GREM2: variants seen among roughly 807,000 people sequenced by gnomAD.
GREM2 encodes gremlin-2.
Under a neutral mutation model 14.2 loss-of-function variants are expected in GREM2, and 11 were observed. That is an observed-to-expected ratio of 0.78 (90% CI 0.49 to 1.28). The LOEUF (loss-of-function observed/expected upper bound fraction) is 1.28, where lower values mean the gene tolerates loss of function less well. GREM2 is among the 50% of genes most tolerant of loss of function. The pLI, the probability that GREM2 is intolerant of heterozygous loss-of-function variation, is 0.00. For synonymous variants in GREM2, 98 were observed against 97.6 expected (o/e 1.00, Z -0.02); for missense variants, 210 against 218.5 (o/e 0.96, Z 0.24).
chr1:240,495,952 T>C (rs1025164631), intron 1 of GREM2, among the ~76,000 whole-genome samples: 2 of 149,288 alleles, frequency 1.3e-5, no homozygotes, highest in African/African-American at 2.4e-5. Flanking sequence ...TTTTTGTTTT[T>C]TTTTTGATGG....
At chr1:240,598,020 C>T (rs2102868670) in intron 1 of GREM2, among the ~76,000 whole-genome samples, 1 of 152,310 alleles carries the variant, frequency 6.6e-6, no homozygotes, top group Non-Finnish European at 1.5e-5. Flanking sequence ...TTTTGGCTGT[C>T]ATCTGAAACA....
Position 240,610,040 on chromosome 1 carries a change from C to A in GREM2, c.-2+1844G>T, listed in dbSNP as rs534352164. On this transcript the variant is annotated intron_variant, in intron 1 of 1. Coordinates refer to ENST00000318160, the MANE Select transcript of GREM2 (RefSeq NM_022469.4). ...TTTATCTTTGAAAAGCCATCAGTGT[C>A]TCCTAGTCTATACAAAGTGAATATA... is the stretch of plus-strand genomic sequence containing the variant. 5.9e-5 allele frequency among the ~76,000 whole-genome samples: 9 copies of A among 152,204 alleles called. No homozygotes were observed. In the East Asian group the frequency reaches 1.7e-3, roughly 29 times the overall value.
intron 1 of GREM2, among the ~76,000 whole-genome samples, chr1:240,536,462 A>C (rs1041996499): frequency 6.6e-5 from 10 of 152,358 alleles, no homozygotes; most frequent in African/African-American, 2.4e-4. Flanking sequence ...AAGAGGGATA[A>C]GCAGTTGCTA....
At chr1:240,606,701 G>A (rs538073527) in intron 1 of GREM2, among the ~76,000 whole-genome samples, 2 of 143,700 alleles carry the variant, frequency 1.4e-5, no homozygotes, top group East Asian at 2.0e-4. Context: ...TTTTTGAGGT[G>A]GAGTTTCGCT....
At chr1:240,517,169 C>T (rs187376795) in intron 1 of GREM2, among the ~76,000 whole-genome samples, 1 of 152,306 alleles carries the variant, frequency 6.6e-6, no homozygotes, top group Admixed American at 6.5e-5. Context: ...AACTGAGCTG[C>T]CACTATTTTT....
chr1:240,552,757 C>T (rs527332242), intron 1 of GREM2, among the ~76,000 whole-genome samples: 47 of 152,218 alleles, frequency 3.1e-4, no homozygotes, highest in African/African-American at 1.0e-3. Flanking sequence ...TCCTTCTAAC[C>T]GATTTTGGTG....
chr1:240,512,653 A>G lies in GREM2; in HGVS notation c.-1-19177T>C, dbSNP rs906664639. 3.9e-5 allele frequency among the ~76,000 whole-genome samples: 6 copies of G among 152,324 alleles called. No individual in the cohort carries two copies. In the East Asian group the frequency reaches 9.6e-4, roughly 24 times the overall value. ...ATTGATTTAAAGAAAAAAACGATAA[A>G]AGCAATATGACATTTGAGATCTTAC... On this transcript the variant is annotated intron_variant, in intron 1 of 1. Coordinates refer to ENST00000318160, the MANE Select transcript of GREM2 (RefSeq NM_022469.4).
At chr1:240,499,627 C>T (rs1355691680) in intron 1 of GREM2, among the ~76,000 whole-genome samples, 2 of 152,184 alleles carry the variant, frequency 1.3e-5, no homozygotes, top group East Asian at 3.8e-4. Flanking sequence ...TCAGTTAAAC[C>T]TTTAGAGACA....
chr1:240,577,406 T>C (rs1458482817), intron 1 of GREM2, among the ~76,000 whole-genome samples: 3 of 152,234 alleles, frequency 2.0e-5, no homozygotes, highest in African/African-American at 7.2e-5. Context: ...CATAACTTTC[T>C]CCAACAACGA....
chr1:240,519,495 G>A (rs963881397), intron 1 of GREM2, among the ~76,000 whole-genome samples: 6 of 151,750 alleles, frequency 4.0e-5, no homozygotes, highest in African/African-American at 1.5e-4. Flanking sequence ...GTAATACTAA[G>A]TTTCAAAAAT....
rs1187770486 is a variant in GREM2 at position 240,547,532 on chromosome 1, T to TATATATATATAGACAGATAGATAG, written c.-1-54057_-1-54056insCTATCTATCTGTCTATATATATAT. Among the ~76,000 whole-genome samples, 290 of 121,848 alleles carry TATATATATATAGACAGATAGATAG rather than the reference T, an allele frequency of 2.4e-3. 1 individual carries two copies. Among genetic ancestry groups the TATATATATATAGACAGATAGATAG allele is most frequent in the East Asian group, 0.016 (69 of 4,284 alleles). The allele number at this position is 121,848 out of a possible 152,430, so 79.9% of individuals were successfully genotyped here. On this transcript the variant is annotated intron_variant, in intron 1 of 1. Transcript: ENST00000318160. The stretch of plus-strand genomic sequence containing the variant: ...AAAAAAAAATATATATATATATATA[T>TATATATATATAGACAGATAGATAG]ATAGATAGATAGATAGATAGATAGA...
At chr1:240,588,067 AG>A (rs1558174236) in intron 1 of GREM2, among the ~76,000 whole-genome samples, 1 of 152,298 alleles carries the variant, frequency 6.6e-6, no homozygotes, top group Non-Finnish European at 1.5e-5. Flanking sequence ...ACGTCCTCAC[AG>A]GGGCACTCCT....
chr1:240,524,309 A>T (rs1170678294), intron 1 of GREM2, among the ~76,000 whole-genome samples: 1 of 152,274 alleles, frequency 6.6e-6, no homozygotes, highest in Non-Finnish European at 1.5e-5. Context: ...CACCACACCC[A>T]GCTCAATGGA....
intron 1 of GREM2, among the ~76,000 whole-genome samples, chr1:240,528,098 A>G (rs975794424): frequency 6.6e-6 from 1 of 152,228 alleles, no homozygotes; most frequent in Non-Finnish European, 1.5e-5. Flanking sequence ...CTTGACACAC[A>G]TTCTCTCATT....
intron 1 of GREM2, among the ~76,000 whole-genome samples, chr1:240,582,887 C>T (rs1168204048): frequency 7.1e-6 from 1 of 140,076 alleles, no homozygotes; most frequent in Non-Finnish European, 1.5e-5. Context: ...TATTAGATTC[C>T]AAAAGACAAA....
intron 1 of GREM2, among the ~76,000 whole-genome samples, chr1:240,522,135 A>AAC (rs71170754): frequency 6.6e-6 from 1 of 150,588 alleles, no homozygotes; most frequent in African/African-American, 2.5e-5. Flanking sequence ...AAAAAAAAAA[A>AAC]CAAAAACAAA....
In GREM2 at chr1:240,493,206, G is replaced by A. The variant is rs1439972882; in HGVS notation, c.270C>T (p.Arg90=). 1 of 1,614,112 alleles carries A rather than the reference G, an allele frequency of 6.2e-7. No individual in the cohort carries two copies. The highest frequency in any genetic ancestry group is 1.7e-5 in the Admixed American group (1 of 60,024). The part of the protein sequence containing the change: ...QTVSEEGCRS[R]TILNRFCYGQ... ...CGTAGCAGAAGCGGTTGAGGATGGT[G>A]CGGCTCCGGCAGCCCTCCTCGCTCA... Residue 90 remains arginine (R), a synonymous_variant, in exon 2 of 2, where the codon CGC becomes CGT. Coordinates refer to ENST00000318160, the MANE Select transcript of GREM2 (RefSeq NM_022469.4).
chr1:240,581,250 C>CAA (rs58517545), intron 1 of GREM2, among the ~76,000 whole-genome samples: 21 of 89,176 alleles, frequency 2.4e-4, no homozygotes, highest in South Asian at 7.0e-4. Flanking sequence ...AAATCCATCT[C>CAA]AAAAAAAAAA....
chr1:240,530,472 C>A (rs1306938204), intron 1 of GREM2: 1 of 152,316 alleles, frequency 6.6e-6, no homozygotes, highest in East Asian at 1.9e-4. Flanking sequence ...TAGCTCTCAA[C>A]ATTCCTCTCT....
Sources: allele counts gnomAD v4.1 joint callset (sites outside exome capture counted in the v4.1 genomes callset), GRCh38; gene constraint gnomAD v4.1.1; transcripts MANE v1.5; gene names NCBI Gene and HGNC (gene_info 2026-07-23, HGNC 2026-07-21).